The following GALNTL6 variants were observed in gnomAD, a reference collection of about 807,000 sequenced individuals.
GALNTL6 encodes the protein polypeptide N-acetylgalactosaminyltransferase like 6, also known as polypeptide N-acetylgalactosaminyltransferase-like 6.
Under a neutral mutation model 73.7 loss-of-function variants are expected in GALNTL6, and 46 were observed. The observed-to-expected ratio is 0.62, with a 90% CI of 0.49 to 0.80. The LOEUF is 0.80. Among genes scored for constraint, GALNTL6 ranks in the 30% least tolerant of loss-of-function variants. GALNTL6 has a pLI of 0.00. For synonymous variants in GALNTL6, 259 were observed against 263.7 expected, an observed-to-expected ratio of 0.98 and a Z score of 0.17; for missense variants, 604 against 755.0, an observed-to-expected ratio of 0.80 and a Z score of 2.34.
intron 5 of GALNTL6, among the ~76,000 whole-genome samples, chr4:172,422,164 C>T (rs1326442325): frequency 6.6e-6 from 1 of 152,088 alleles, no homozygotes; most frequent in African/African-American, 2.4e-5. Context: ...GGCTTCATTC[C>T]TTTGATGTTT....
At chr4:171,890,402 A>G (rs938185867) in intron 2 of GALNTL6, among the ~76,000 whole-genome samples, 10 of 152,110 alleles carry the variant, frequency 6.6e-5, no homozygotes, top group Non-Finnish European at 1.0e-4. Context: ...ATCAATATGG[A>G]CACTATAATT....
At chr4:172,134,683 T>C (rs988897565) in intron 2 of GALNTL6, among the ~76,000 whole-genome samples, 9 of 152,292 alleles carry the variant, frequency 5.9e-5, no homozygotes, top group African/African-American at 2.2e-4. Flanking sequence ...AGTCAGATAT[T>C]CATCAACTGT....
At chr4:171,835,231 T>C (rs1170139382) in intron 2 of GALNTL6, among the ~76,000 whole-genome samples, 4 of 152,030 alleles carry the variant, frequency 2.6e-5, no homozygotes, top group African/African-American at 4.8e-5. Context: ...TTGAAAAATA[T>C]ACAAAGTTCT....
At chr4:172,827,866 GT>G (rs139151847) in intron 7 of GALNTL6, among the ~76,000 whole-genome samples, 24 of 151,634 alleles carry the variant, frequency 1.6e-4, no homozygotes, top group African/African-American at 5.8e-4. Flanking sequence ...CACTATACAA[GT>G]TTTTTTTCAC....
In GALNTL6 at chr4:172,042,864, T is replaced by TAAAAAAAA. The variant is rs397996272; in HGVS notation, c.139-186772_139-186765dup. Among the ~76,000 whole-genome samples the TAAAAAAAA allele has an allele frequency of 4.1e-4, 18 of 44,404 alleles. 1 individual carries two copies. Among genetic ancestry groups the TAAAAAAAA allele is most frequent in the African/African-American group, 8.5e-4 (10 of 11,776 alleles). The allele number at this position is 44,404 out of a possible 152,430, so 29.1% of individuals were successfully genotyped here. A position where few individuals can be genotyped will look rare whatever the true frequency, so the allele number is the denominator to read the frequency against. ...GTTCTATCCGAGCAATCTTTAACAG[T>TAAAAAAAA]AAAAAAAAAAAAAAAAAAAAAAAAA... On this transcript the variant is annotated intron_variant, in intron 2 of 12. Transcript: ENST00000506823.
At chr4:172,293,785 A>C (rs1333159031) in intron 3 of GALNTL6, among the ~76,000 whole-genome samples, 6 of 151,570 alleles carry the variant, frequency 4.0e-5, no homozygotes, top group Non-Finnish European at 7.4e-5. Context: ...GAAATAGATT[A>C]AACACAAGAA....
At chr4:172,648,574 C>T (rs763091095) in intron 5 of GALNTL6, among the ~76,000 whole-genome samples, 17 of 152,140 alleles carry the variant, frequency 1.1e-4, no homozygotes, top group Admixed American at 2.0e-4. Flanking sequence ...AAACACGATT[C>T]AAAACAATTT....
At chr4:172,686,642 C>A (rs1010201264) in intron 5 of GALNTL6, among the ~76,000 whole-genome samples, 1 of 152,008 alleles carries the variant, frequency 6.6e-6, no homozygotes, top group Admixed American at 6.5e-5. Context: ...TTATTAAAAC[C>A]TTGTGTATCA....
chr4:171,893,266 A>G (rs148445370), intron 2 of GALNTL6, among the ~76,000 whole-genome samples: 1 of 152,348 alleles, frequency 6.6e-6, no homozygotes, highest in African/African-American at 2.4e-5. Flanking sequence ...CTTCTGACTT[A>G]TAACATACTA....
intron 5 of GALNTL6, among the ~76,000 whole-genome samples, chr4:172,516,564 A>C (rs1037884531): frequency 1.3e-5 from 2 of 152,148 alleles, no homozygotes; most frequent in Non-Finnish European, 1.5e-5. Flanking sequence ...TAAGAAAAAA[A>C]TACATAGGTA....
intron 2 of GALNTL6, among the ~76,000 whole-genome samples, chr4:172,060,118 C>T (rs1254550508): frequency 6.6e-6 from 1 of 151,954 alleles, no homozygotes; most frequent in Non-Finnish European, 1.5e-5. Flanking sequence ...AGTAATTCAC[C>T]AGGAGAGAAA....
rs557842855 is a variant in GALNTL6, at chr4:172,301,863, C to T, written c.248-9751C>T. Among the ~76,000 whole-genome samples the T allele has an allele frequency of 2.0e-4, 30 of 152,262 alleles. No individual in the cohort carries two copies. The East Asian group carries it at 4.4e-3, about 23-fold the overall frequency. ...CTGTCCGTTCTCAGATCTCCAGCTG[C>T]GTTGCTGGGAGAACCACTACTCTCT... On this transcript the variant is annotated intron_variant, in intron 3 of 12. Transcript: ENST00000506823.
At chr4:172,887,684 C>T (rs928342928) in intron 8 of GALNTL6, among the ~76,000 whole-genome samples, 1 of 152,074 alleles carries the variant, frequency 6.6e-6, no homozygotes, top group Non-Finnish European at 1.5e-5. Flanking sequence ...CTGCCTCAGC[C>T]TCCCATGTAG....
intron 3 of GALNTL6, among the ~76,000 whole-genome samples, chr4:172,240,425 G>T (rs1485927794): frequency 6.6e-6 from 1 of 151,830 alleles, no homozygotes; most frequent in African/African-American, 2.4e-5. Flanking sequence ...TAGAGATGGG[G>T]TTTCACCATG....
chr4:172,608,809 G>A (rs1325690048), intron 5 of GALNTL6, among the ~76,000 whole-genome samples: 1 of 152,132 alleles, frequency 6.6e-6, no homozygotes, highest in East Asian at 1.9e-4. Flanking sequence ...TCTTTCAGCA[G>A]TGTTTTGTAA....
chr4:172,084,303 A>C (rs1026759552), intron 2 of GALNTL6, among the ~76,000 whole-genome samples: 1 of 152,154 alleles, frequency 6.6e-6, no homozygotes, highest in Admixed American at 6.5e-5. Flanking sequence ...TATAGAAAAC[A>C]CCAAGAATGC....
At chr4:172,812,884 A>G (rs1741391295) in intron 6 of GALNTL6, among the ~76,000 whole-genome samples, 1 of 152,232 alleles carries the variant, frequency 6.6e-6, no homozygotes, top group Non-Finnish European at 1.5e-5. Context: ...TAAGAGTAGC[A>G]GAAGTAATCG....
intron 5 of GALNTL6, among the ~76,000 whole-genome samples, chr4:172,377,868 C>T (rs929807320): frequency 7.9e-5 from 12 of 152,146 alleles, no homozygotes; most frequent in East Asian, 3.9e-4. Context: ...CCAGAATTCA[C>T]GCTGGCCCGC....
At chr4:172,441,713 A>G (rs1731844438) in intron 5 of GALNTL6, among the ~76,000 whole-genome samples, 1 of 152,160 alleles carries the variant, frequency 6.6e-6, no homozygotes, top group South Asian at 2.1e-4. Context: ...ATGTGTTAGA[A>G]TATGATTGTC....
Sources: gnomAD v4.1 joint callset for allele counts (sites outside exome capture counted in the v4.1 genomes callset) on GRCh38, gnomAD v4.1.1 for gene constraint, MANE v1.5 for transcripts, NCBI Gene and HGNC (gene_info 2026-07-23, HGNC 2026-07-21) for gene names.